The following SFXN5 variants were observed in gnomAD, a reference collection of about 807,000 sequenced individuals.
SFXN5 encodes the protein sideroflexin 5.
A neutral mutation model predicts 50.2 loss-of-function variants in SFXN5; 43 were observed. The ratio of observed to expected loss-of-function variants is 0.86; its 90% CI spans 0.67 to 1.11. The LOEUF is 1.11. Ranked by LOEUF, SFXN5 falls within the 50% of genes least tolerant of loss-of-function variation. The pLI is 0.00. For missense variants in SFXN5, 463 were observed against 454.1 expected (o/e 1.02, Z -0.18); for synonymous variants, 203 against 185.8 (o/e 1.09, Z -0.75).
At chr2:72,967,736 C>T (rs1188758040) in intron 12 of SFXN5, among the ~76,000 whole-genome samples, 6 of 152,040 alleles carry the variant, frequency 3.9e-5, no homozygotes, top group Admixed American at 2.0e-4. Flanking sequence ...AACTCCAGGC[C>T]CCCTCCACCT....
At chr2:72,957,987 G>T (rs895830742) in intron 13 of SFXN5, among the ~76,000 whole-genome samples, 17 of 152,242 alleles carry the variant, frequency 1.1e-4, no homozygotes, top group African/African-American at 4.1e-4. Flanking sequence ...ATATGCAGAA[G>T]AACTAACTCC....
At position 72,971,768 on chromosome 2, in the gene SFXN5, C is replaced by G. The variant is rs559008717; in HGVS notation, c.626-83G>C. On this transcript the variant is annotated intron_variant, in intron 10 of 13. Transcript: ENST00000272433. ...AGGGAGGTCACTACACTCCTTCCTA[C>G]GCAAGCCTTGGGGTTCTGTGTTCAA... The G allele has an allele frequency of 5.8e-5, 60 of 1,042,964 alleles. No individual in the cohort carries two copies. In the East Asian group the frequency reaches 1.1e-3, roughly 19 times the overall value. The allele number at this position is 1,042,964 out of a possible 1,614,324, so 64.6% of individuals were successfully genotyped here.
intron 6 of SFXN5, among the ~76,000 whole-genome samples, chr2:73,015,687 G>T (rs2105794507): frequency 6.6e-6 from 1 of 152,266 alleles, no homozygotes; most frequent in South Asian, 2.1e-4. Flanking sequence ...TCACCTGGAA[G>T]ATCAGAGCCC....
chr2:73,011,337 G>A (rs1447143949), intron 6 of SFXN5, among the ~76,000 whole-genome samples: 1 of 152,318 alleles, frequency 6.6e-6, no homozygotes, highest in East Asian at 1.9e-4. Flanking sequence ...TTACACGTGT[G>A]AGCCACCACT....
intron 1 of SFXN5, among the ~76,000 whole-genome samples, chr2:73,064,886 G>A (rs1301509455): frequency 5.9e-5 from 9 of 152,040 alleles, no homozygotes; most frequent in African/African-American, 1.7e-4. Context: ...TCCTGGACTC[G>A]GGTGATTCTC....
intron 2 of SFXN5, among the ~76,000 whole-genome samples, chr2:73,046,371 T>C (rs953128720): frequency 1.4e-5 from 2 of 146,450 alleles, no homozygotes; most frequent in Admixed American, 6.9e-5. Flanking sequence ...ATCACGCCAC[T>C]GCACTCCAGC....
Position 73,071,608 on chromosome 2 carries a change from T to C in SFXN5, c.98A>G (p.Gln33Arg). 2.5e-6 allele frequency: 4 copies of C among 1,613,700 alleles called. No homozygotes were observed. The highest frequency in any genetic ancestry group is 3.4e-6 in the Non-Finnish European group (4 of 1,179,840). Reference sequence around the variant, plus strand: ...AGACCACAGCCCGGTCCTCACCTGCTGGAAGCGGGGTTTGCCCAGTTGGAA... The same window carrying C: ...AGACCACAGCCCGGTCCTCACCTGCCGGAAGCGGGGTTTGCCCAGTTGGAA... ...PPFQLGKPRF[Q>R]QTSFYGRFRH... The change falls in exon 1 of 14, where the codon CAG (glutamine) becomes CGG (arginine). Residue 33 changes from glutamine to arginine, a missense_variant. Coordinates refer to ENST00000272433, the MANE Select transcript of SFXN5 (RefSeq NM_144579.3).
chr2:72,997,016 G>A (rs1286409296), intron 9 of SFXN5: 1 of 152,194 alleles, frequency 6.6e-6, no homozygotes, highest in Non-Finnish European at 1.5e-5. Flanking sequence ...CCAGTATCAG[G>A]GACCCCCAAT....
At chr2:73,052,392 G>C (rs1015353438) in intron 2 of SFXN5, among the ~76,000 whole-genome samples, 1 of 149,262 alleles carries the variant, frequency 6.7e-6, no homozygotes, top group African/African-American at 2.5e-5. Flanking sequence ...GTGTGTGTGT[G>C]ATGAGTGCAT....
At chr2:73,062,581 G>A (rs1682891377) in intron 1 of SFXN5, among the ~76,000 whole-genome samples, 1 of 152,134 alleles carries the variant, frequency 6.6e-6, no homozygotes, top group Non-Finnish European at 1.5e-5. Context: ...GCTACTGGGG[G>A]AGACTCCCAG....
At chr2:72,968,159 ACACACACAC>A (rs1177732822) in intron 12 of SFXN5, among the ~76,000 whole-genome samples, 5 of 151,320 alleles carry the variant, frequency 3.3e-5, no homozygotes, top group East Asian at 1.9e-4. Context: ...ACACACACAC[ACACACACAC>A]AACTGCCAGC....
At chr2:73,046,987 G>C (rs1422023595) in intron 2 of SFXN5, among the ~76,000 whole-genome samples, 1 of 150,852 alleles carries the variant, frequency 6.6e-6, no homozygotes, top group South Asian at 2.1e-4. Context: ...AGCACTTTGG[G>C]AGGCCAAGGC....
At chr2:73,069,945 C>T (rs922893071) in intron 1 of SFXN5, among the ~76,000 whole-genome samples, 3 of 152,166 alleles carry the variant, frequency 2.0e-5, no homozygotes, top group South Asian at 2.1e-4. Context: ...AAAAGGCCTA[C>T]AGGGGGTTTG....
At chr2:73,044,374 C>T (rs1044177775) in intron 2 of SFXN5, 6 of 152,264 alleles carry the variant, frequency 3.9e-5, no homozygotes, top group Admixed American at 1.3e-4. Context: ...TGTCAAAGGC[C>T]GAGGGGCTGA....
intron 10 of SFXN5, among the ~76,000 whole-genome samples, chr2:72,984,954 G>A (rs1671723513): frequency 6.6e-6 from 1 of 152,122 alleles, no homozygotes; most frequent in African/African-American, 2.4e-5. Context: ...CTGACTCTTG[G>A]GGATTCCTTG....
intron 11 of SFXN5, among the ~76,000 whole-genome samples, chr2:72,969,356 A>G (rs1007270364): frequency 1.3e-5 from 2 of 152,036 alleles, no homozygotes; most frequent in African/African-American, 4.8e-5. Context: ...AGGAGGACCG[A>G]GCTTCTGGAA....
intron 13 of SFXN5, among the ~76,000 whole-genome samples, chr2:72,956,617 A>G (rs1425211068): frequency 6.6e-6 from 1 of 152,108 alleles, no homozygotes; most frequent in Non-Finnish European, 1.5e-5. Flanking sequence ...ACTTAACCTT[A>G]ATGTGCCTCA....
intron 6 of SFXN5, among the ~76,000 whole-genome samples, chr2:73,010,031 C>A (rs559174751): frequency 6.6e-6 from 1 of 152,302 alleles, no homozygotes; most frequent in Admixed American, 6.5e-5. Flanking sequence ...ATTTCAAATA[C>A]CCAGTTACCC....
intron 12 of SFXN5, among the ~76,000 whole-genome samples, chr2:72,963,988 C>T (rs759476075): frequency 3.3e-5 from 5 of 152,172 alleles, no homozygotes; most frequent in Non-Finnish European, 5.9e-5. Context: ...GATGGACGCT[C>T]CTCTGCTTCT....
Sources: allele counts gnomAD v4.1 joint callset (sites outside exome capture counted in the v4.1 genomes callset), GRCh38; gene constraint gnomAD v4.1.1; transcripts MANE v1.5; gene names NCBI Gene and HGNC (gene_info 2026-07-23, HGNC 2026-07-21).